ADGRG2: variants seen among roughly 807,000 people sequenced by gnomAD.
ADGRG2 encodes the protein G protein-coupled receptor 64.
ADGRG2 carries 26 observed loss-of-function variants against 74.1 expected under a neutral mutation model. That is an observed-to-expected ratio of 0.35 (90% CI 0.26 to 0.49). ADGRG2 has a LOEUF of 0.49. Among genes scored for constraint, ADGRG2 ranks in the 20% least tolerant of loss-of-function variants. The pLI, the probability that ADGRG2 is intolerant of heterozygous loss-of-function variation, is 0.99. For synonymous variants in ADGRG2, 296 were observed against 295.2 expected (o/e 1.00, Z -0.03); for missense variants, 619 against 763.1 (o/e 0.81, Z 2.22).
At chrX:18,997,462 C>CAT (rs1346463602) in intron 26 of ADGRG2, among the ~76,000 whole-genome samples, 2 of 111,699 alleles carry the variant, frequency 1.8e-5, no homozygotes, top group Non-Finnish European at 3.8e-5. Flanking sequence ...GTAATGTGGG[C>CAT]ATATATATAT....
At chrX:19,099,163 G>A (rs1288530454) in intron 1 of ADGRG2, among the ~76,000 whole-genome samples, 4 of 110,251 alleles carry the variant, frequency 3.6e-5, no homozygotes, top group Admixed American at 9.6e-5. Context: ...CAGCCTGGGC[G>A]ATAGAGCGAG....
chrX:19,032,514 C>T (rs2060846700), intron 8 of ADGRG2: 1 of 111,499 alleles, frequency 9.0e-6, no homozygotes, highest in East Asian at 2.8e-4. Flanking sequence ...GCTGCAGCTC[C>T]GTTTCCAGTG....
intron 18 of ADGRG2, among the ~76,000 whole-genome samples, chrX:19,008,373 A>C: frequency 8.9e-6 from 1 of 111,980 alleles, no homozygotes; most frequent in East Asian, 2.8e-4. Context: ...AAATTAAAGA[A>C]AGGAAGTATA....
chrX:19,023,009 C>T (rs2060625558), intron 13 of ADGRG2, among the ~76,000 whole-genome samples: 1 of 112,244 alleles, frequency 8.9e-6, no homozygotes, highest in South Asian at 3.7e-4. Flanking sequence ...GTTCTTTTCT[C>T]TTTCTTTCCA....
chrX:19,122,586 T>C (rs1452638413), upstream of ADGRG2: 1 of 109,211 alleles, frequency 9.2e-6, no homozygotes, highest in Non-Finnish European at 1.9e-5. Context: ...GCTCTCCAGC[T>C]GCCCAGCGCG....
chrX:18,991,550 G>T (rs974188476), intron 28 of ADGRG2, among the ~76,000 whole-genome samples: 6 of 112,443 alleles, frequency 5.3e-5, no homozygotes, highest in African/African-American at 1.9e-4. Flanking sequence ...AACAGTCATG[G>T]CAAGAAGAAA....
rs1168515302 is a variant in ADGRG2 at position 19,122,445 on chromosome X, C to A, written c.-50G>T. 1 of 111,743 alleles carries A rather than the reference C, an allele frequency of 8.9e-6. No individual in the cohort carries two copies. Among genetic ancestry groups the A allele is most frequent in the Non-Finnish European group, 1.9e-5 (1 of 52,774 alleles). The allele number at this position is 111,743 out of a possible 1,213,427, so 9.2% of individuals were successfully genotyped here. A position where few individuals can be genotyped will look rare whatever the true frequency, so the allele number is the denominator to read the frequency against. The stretch of plus-strand genomic sequence containing the variant: ...CGTCCTGGCGCCGAGCGCTTACCTG[C>A]CGCTCGCGTCCTCGGGGCTGGCTGC... On this transcript the variant is annotated 5_prime_UTR_variant, in exon 1 of 29. Transcript: ENST00000379869.
At chrX:19,001,669 CTGT>C (rs2060134743) in intron 24 of ADGRG2, among the ~76,000 whole-genome samples, 1 of 111,657 alleles carries the variant, frequency 9.0e-6, no homozygotes, top group Non-Finnish European at 1.9e-5. Context: ...GGGTGTTGTT[CTGT>C]TGTTCTTCAC....
chrX:19,036,616 AACACACACAC>A (rs534574581), intron 6 of ADGRG2, among the ~76,000 whole-genome samples: 7 of 94,703 alleles, frequency 7.4e-5, no homozygotes, highest in Non-Finnish European at 1.1e-4. Flanking sequence ...TCATACTTAA[AACACACACAC>A]ACACACACAC....
rs1233834758 is a variant in ADGRG2 at position 18,989,907 on chromosome X, T to C, written c.*957A>G. 8.9e-6 allele frequency: 1 copy of C among 112,389 alleles called. No homozygotes were observed. Among genetic ancestry groups the C allele is most frequent in the East Asian group, 2.8e-4 (1 of 3,606 alleles). The allele number at this position is 112,389 out of a possible 1,213,427, so 9.3% of individuals were successfully genotyped here. ...GAGAAGCGGCAGTGTATGTACCTCA[T>C]CTACGTTCACAATTTTCCTGACACA... is the stretch of plus-strand genomic sequence containing the variant. On this transcript the variant is annotated 3_prime_UTR_variant, in exon 29 of 29. Coordinates refer to ENST00000379869, the MANE Select transcript of ADGRG2 (RefSeq NM_001079858.3).
At chrX:19,053,229 G>C (rs2061353832) in intron 3 of ADGRG2, among the ~76,000 whole-genome samples, 1 of 111,328 alleles carries the variant, frequency 9.0e-6, no homozygotes, top group East Asian at 2.8e-4. Flanking sequence ...GGGAAGGCCA[G>C]AGAGTAAGCT....
intron 9 of ADGRG2, among the ~76,000 whole-genome samples, chrX:19,029,741 A>G (rs1045561765): frequency 5.5e-5 from 6 of 109,675 alleles, no homozygotes; most frequent in African/African-American, 2.0e-4. Flanking sequence ...ATCAAACATC[A>G]TGTAGACACA....
chrX:19,048,578 C>A (rs926602227), intron 3 of ADGRG2, among the ~76,000 whole-genome samples: 2 of 111,605 alleles, frequency 1.8e-5, no homozygotes, highest in African/African-American at 6.5e-5. Context: ...TACTGGGTGT[C>A]CACCGTGCTC....
At chrX:19,042,495 A>G (rs2061088952) in intron 3 of ADGRG2, among the ~76,000 whole-genome samples, 1 of 111,498 alleles carries the variant, frequency 9.0e-6, no homozygotes, top group South Asian at 3.8e-4. Context: ...TCCACTGCCA[A>G]ATCTGTTGAC....
intron 3 of ADGRG2, among the ~76,000 whole-genome samples, chrX:19,045,073 AG>A (rs750018461): frequency 8.2e-5 from 9 of 110,389 alleles, no homozygotes; most frequent in Non-Finnish European, 1.5e-4. Flanking sequence ...TCGACCCTGA[AG>A]AGGTAGGTGA....
At chrX:19,065,481 T>C (rs193140176) in intron 3 of ADGRG2, among the ~76,000 whole-genome samples, 14 of 111,365 alleles carry the variant, frequency 1.3e-4, no homozygotes, top group Non-Finnish European at 2.6e-4. Flanking sequence ...CTGCCTTGAG[T>C]GATCACTCAG....
At chrX:19,043,098 T>A (rs1236445397) in intron 3 of ADGRG2, among the ~76,000 whole-genome samples, 3 of 111,561 alleles carry the variant, frequency 2.7e-5, no homozygotes, top group African/African-American at 9.8e-5. Flanking sequence ...GCGGTCTACT[T>A]TGATGAAGGG....
chrX:19,039,246 C>A, intron 4 of ADGRG2: 1 of 331,154 alleles, frequency 3.0e-6, no homozygotes, highest in Non-Finnish European at 5.9e-6. Flanking sequence ...TGAACACGAG[C>A]ATGTTTTATC....
At chrX:19,019,772 A>G (rs1286953865) in intron 14 of ADGRG2, 107 bp from the exon 15 acceptor site, 1 of 479,309 alleles carries the variant, frequency 2.1e-6, no homozygotes, top group Non-Finnish European at 3.8e-6. Context: ...TGCATTTAAA[A>G]GAGCAATTGT....
Sources: gnomAD v4.1 joint callset for allele counts (sites outside exome capture counted in the v4.1 genomes callset) on GRCh38, gnomAD v4.1.1 for gene constraint, MANE v1.5 for transcripts, NCBI Gene and HGNC (gene_info 2026-07-23, HGNC 2026-07-21) for gene names.